The following DNAH11 variants were observed in gnomAD, a reference collection of about 807,000 sequenced individuals.
The protein encoded by DNAH11 is dynein axonemal heavy chain 11, also known as axonemal beta dynein heavy chain 11.
DNAH11 carries 442 observed loss-of-function variants against 526.0 expected under a neutral mutation model. The observed-to-expected ratio is 0.84, with a 90% CI of 0.78 to 0.91. DNAH11 has a LOEUF of 0.91. Ranked by LOEUF, DNAH11 falls within the 40% of genes least tolerant of loss-of-function variation. DNAH11 has a pLI of 0.00. For synonymous variants in DNAH11, 2,461 were observed against 1,935.9 expected (o/e 1.27, Z -7.12); for missense variants, 6,989 against 5,448.7 (o/e 1.28, Z -8.90).
At chr7:21,626,672 A>G (rs1352675435) in intron 25 of DNAH11, among the ~76,000 whole-genome samples, 1 of 142,116 alleles carries the variant, frequency 7.0e-6, no homozygotes, top group Admixed American at 7.0e-5. Context: ...ATCTCATTGT[A>G]TTATGATTTG....
chr7:21,738,377 GA>G (rs1468690770), intron 46 of DNAH11, among the ~76,000 whole-genome samples: 1 of 152,190 alleles, frequency 6.6e-6, no homozygotes, highest in Non-Finnish European at 1.5e-5. Flanking sequence ...TGGCCACATA[GA>G]ATGGGTACGG....
intron 62 of DNAH11, among the ~76,000 whole-genome samples, chr7:21,803,217 G>A (rs1789073336): frequency 6.6e-6 from 1 of 152,092 alleles, no homozygotes; most frequent in Non-Finnish European, 1.5e-5. Context: ...CATTTGGCTG[G>A]AGGTGATAGA....
intron 42 of DNAH11, among the ~76,000 whole-genome samples, chr7:21,715,407 T>A (rs1784618650): frequency 6.6e-6 from 1 of 152,152 alleles, no homozygotes; most frequent in East Asian, 1.9e-4. Context: ...AAGCCACAAT[T>A]CTCTGTTAAT....
At chr7:21,786,454 C>A (rs145921742) in intron 58 of DNAH11, among the ~76,000 whole-genome samples, 170 bp from the exon 59 acceptor site, 163 of 152,228 alleles carry the variant, frequency 1.1e-3, no homozygotes, top group African/African-American at 3.8e-3. Flanking sequence ...AAGAACTGAA[C>A]CTCCTGGAGT....
At chr7:21,572,648 A>T (rs948692709) in intron 8 of DNAH11, among the ~76,000 whole-genome samples, 19 of 152,204 alleles carry the variant, frequency 1.2e-4, no homozygotes, top group Non-Finnish European at 2.1e-4. Flanking sequence ...TGTATATGTA[A>T]TGTGAGTTTA....
intron 48 of DNAH11, among the ~76,000 whole-genome samples, 186 bp from the exon 49 acceptor site, chr7:21,741,741 C>G (rs967433151): frequency 1.2e-4 from 18 of 152,184 alleles, no homozygotes; most frequent in Middle Eastern, 3.2e-3. Context: ...GAGTGGCACA[C>G]TGTCACTTCC....
chr7:21,841,990 A>C (rs2128016253), intron 65 of DNAH11, among the ~76,000 whole-genome samples: 1 of 152,234 alleles, frequency 6.6e-6, no homozygotes, highest in East Asian at 1.9e-4. Flanking sequence ...TTGAGTAAAT[A>C]ATTATCTTGT....
intron 73 of DNAH11, among the ~76,000 whole-genome samples, chr7:21,870,572 A>G (rs1783459325): frequency 6.6e-6 from 1 of 152,218 alleles, no homozygotes; most frequent in African/African-American, 2.4e-5. Context: ...CTCTTTGAGC[A>G]TTCTCATGCT....
chr7:21,724,587 C>T (rs2214932), intron 44 of DNAH11, among the ~76,000 whole-genome samples: 32,100 of 150,744 alleles, frequency 0.21, 3,650 homozygotes, highest in Non-Finnish European at 0.26. Context: ...GGAGTCACTG[C>T]GCCAGGTCTC....
At chr7:21,701,785 C>T (rs1784071877) in intron 36 of DNAH11, among the ~76,000 whole-genome samples, 1 of 152,196 alleles carries the variant, frequency 6.6e-6, no homozygotes, top group African/African-American at 2.4e-5. Context: ...ACTCCTACAA[C>T]CACTTATAAA....
At chr7:21,815,392 A>C (rs181442824) in intron 63 of DNAH11, among the ~76,000 whole-genome samples, 1 of 152,204 alleles carries the variant, frequency 6.6e-6, no homozygotes, top group Admixed American at 6.5e-5. Context: ...GGTTTGATTC[A>C]TTTTTAAGAT....
chr7:21,786,876 C>T, intron 59 of DNAH11, 109 bp downstream of exon 59: 2 of 1,431,388 alleles, frequency 1.4e-6, no homozygotes, highest in Non-Finnish European at 9.5e-7. Context: ...AAATCATCTT[C>T]ATAGTTGCTG....
chr7:21,664,935 G>A (rs527872834), intron 30 of DNAH11, among the ~76,000 whole-genome samples: 115 of 152,010 alleles, frequency 7.6e-4, no homozygotes, highest in Non-Finnish European at 1.3e-3. Context: ...GTCCCCATGT[G>A]GCAATTTAAA....
chr7:21,858,451 A>G (rs969492425), intron 68 of DNAH11, among the ~76,000 whole-genome samples: 3 of 152,258 alleles, frequency 2.0e-5, no homozygotes, highest in South Asian at 2.1e-4. Context: ...ATAAAAGCCA[A>G]AGTCTAAAAA....
intron 23 of DNAH11, chr7:21,618,228 G>A (rs1210417535): frequency 6.5e-6 from 1 of 153,238 alleles, no homozygotes; most frequent in African/African-American, 2.4e-5. Context: ...AGCACTGAAA[G>A]TATCACATCC....
chr7:21,808,094 T>A, intron 63 of DNAH11, 45 bp downstream of exon 63: 1 of 1,345,916 alleles, frequency 7.4e-7, no homozygotes, highest in Non-Finnish European at 9.7e-7. Context: ...AAGATCACAT[T>A]GAAATTTCAG....
At chr7:21,686,078 T>A (rs1453252435) in intron 32 of DNAH11, among the ~76,000 whole-genome samples, 1 of 152,260 alleles carries the variant, frequency 6.6e-6, no homozygotes. Context: ...TCATTCATTG[T>A]AAGATACACT....
intron 61 of DNAH11, among the ~76,000 whole-genome samples, chr7:21,798,661 A>G (rs1788823871): frequency 6.6e-6 from 1 of 152,190 alleles, no homozygotes; most frequent in Admixed American, 6.5e-5. Flanking sequence ...CCTGCAAGTT[A>G]TATAAGGCAT....
chr7:21,799,358 A>G (rs971215428), intron 61 of DNAH11, among the ~76,000 whole-genome samples: 1 of 151,650 alleles, frequency 6.6e-6, no homozygotes, highest in South Asian at 2.1e-4. Context: ...TTTTTTTAAG[A>G]CGGAGTCTTG....
Sources: gnomAD v4.1 joint callset for allele counts (sites outside exome capture counted in the v4.1 genomes callset) on GRCh38, gnomAD v4.1.1 for gene constraint, MANE v1.5 for transcripts, NCBI Gene and HGNC (gene_info 2026-07-23, HGNC 2026-07-21) for gene names.